The following NUP210L variants were observed in gnomAD, a reference collection of about 807,000 sequenced individuals.
The protein encoded by NUP210L is nucleoporin 210 like.
NUP210L carries 74 observed loss-of-function variants against 208.5 expected under a neutral mutation model. That is an observed-to-expected ratio of 0.35 (90% CI 0.29 to 0.43). NUP210L has a LOEUF of 0.43. NUP210L is among the 20% of genes least tolerant of loss of function. The pLI is 1.00. For missense variants in NUP210L, 1,843 were observed against 2,289.4 expected (o/e 0.81, Z 3.98); for synonymous variants, 780 against 816.9 (o/e 0.95, Z 0.77).
At chr1:154,008,147 C>A (rs145108951) in intron 35 of NUP210L, among the ~76,000 whole-genome samples, 1 of 151,966 alleles carries the variant, frequency 6.6e-6, no homozygotes, top group African/African-American at 2.4e-5. Flanking sequence ...GCTGGGATTA[C>A]GAGCGTGAGC....
intron 10 of NUP210L, among the ~76,000 whole-genome samples, chr1:154,125,913 G>A (rs1168569737): frequency 4.4e-3 from 626 of 141,418 alleles, no homozygotes; most frequent in African/African-American, 7.3e-3. Context: ...AACTACAGGC[G>A]CCCGCCACCG....
chr1:154,051,808 A>T (rs1653517995), intron 25 of NUP210L, among the ~76,000 whole-genome samples: 1 of 152,218 alleles, frequency 6.6e-6, no homozygotes, highest in East Asian at 1.9e-4. Flanking sequence ...TGCCTCTGTT[A>T]AACATCACCT....
chr1:154,060,853 ATAAG>A (rs72070929), intron 19 of NUP210L, 85 bp downstream of exon 19: 98,243 of 937,130 alleles, frequency 0.1, 5,534 homozygotes, highest in Middle Eastern at 0.16. Context: ...TTTTCAACAC[ATAAG>A]TAAGTTTTTT....
chr1:154,047,468 C>A (rs926745545), intron 25 of NUP210L, among the ~76,000 whole-genome samples: 1 of 152,196 alleles, frequency 6.6e-6, no homozygotes, highest in Non-Finnish European at 1.5e-5. Context: ...GATGCCCACG[C>A]TGAAGGTTGT....
chr1:154,127,596 A>G (rs1419401447), intron 8 of NUP210L, among the ~76,000 whole-genome samples, 179 bp from the exon 9 acceptor site: 1 of 127,520 alleles, frequency 7.8e-6, no homozygotes, highest in Non-Finnish European at 1.6e-5. Context: ...TTTGTCACCC[A>G]GGCTGGAGTG....
intron 38 of NUP210L, among the ~76,000 whole-genome samples, chr1:153,994,242 G>T (rs770042787): frequency 2.0e-5 from 3 of 152,118 alleles, no homozygotes; most frequent in African/African-American, 7.2e-5. Flanking sequence ...TATACCTCAA[G>T]ATTTAGTAGT....
At chr1:154,140,085 T>C in intron 4 of NUP210L, 133 bp from the exon 5 acceptor site, 1 of 704,856 alleles carries the variant, frequency 1.4e-6, no homozygotes, top group Non-Finnish European at 2.3e-6. Flanking sequence ...GCATGGTAGC[T>C]CACGCCTGTA....
At chr1:154,031,399 T>A (rs1452073185) in intron 27 of NUP210L, among the ~76,000 whole-genome samples, 1 of 152,126 alleles carries the variant, frequency 6.6e-6, no homozygotes, top group East Asian at 1.9e-4. Context: ...CTAGTTATTT[T>A]AAAATATACA....
chr1:154,064,553 G>A (rs953406447), intron 17 of NUP210L, among the ~76,000 whole-genome samples: 1 of 152,098 alleles, frequency 6.6e-6, no homozygotes, highest in African/African-American at 2.4e-5. Flanking sequence ...AGGTCTCCCT[G>A]AAGCTCTCAA....
chr1:154,149,379 C>A (rs928716330), intron 2 of NUP210L, among the ~76,000 whole-genome samples: 1 of 152,120 alleles, frequency 6.6e-6, no homozygotes, highest in Non-Finnish European at 1.5e-5. Flanking sequence ...AGCCACCGTG[C>A]CCAGCCTAGA....
At chr1:154,147,237 A>T (rs1175197677) in intron 2 of NUP210L, among the ~76,000 whole-genome samples, 1 of 152,168 alleles carries the variant, frequency 6.6e-6, no homozygotes, top group African/African-American at 2.4e-5. Context: ...ATGCAATGGG[A>T]AGGGCCCTTC....
At chr1:154,130,583 T>C (rs964167429) in intron 7 of NUP210L, among the ~76,000 whole-genome samples, 24 of 144,686 alleles carry the variant, frequency 1.7e-4, no homozygotes, top group African/African-American at 5.6e-4. Flanking sequence ...CCAATTTTTT[T>C]TTTTTTTTTT....
chr1:154,061,297 G>T (rs946935805), intron 18 of NUP210L, among the ~76,000 whole-genome samples: 2 of 152,100 alleles, frequency 1.3e-5, no homozygotes, highest in African/African-American at 4.8e-5. Context: ...AGAATCGCTT[G>T]AACCCGGGAG....
chr1:154,122,573 T>A (rs1023457127), intron 10 of NUP210L, among the ~76,000 whole-genome samples: 4 of 152,100 alleles, frequency 2.6e-5, no homozygotes, highest in Non-Finnish European at 5.9e-5. Flanking sequence ...GAGAATGGTG[T>A]GAACTCGGGA....
intron 28 of NUP210L, among the ~76,000 whole-genome samples, chr1:154,028,590 A>G (rs1652035141): frequency 6.6e-6 from 1 of 152,168 alleles, no homozygotes; most frequent in African/African-American, 2.4e-5. Context: ...CTGTCTCAAA[A>G]TAAATAAATA....
At chr1:154,022,739 G>A (rs2841101) in intron 31 of NUP210L, among the ~76,000 whole-genome samples, 3,232 of 146,022 alleles carry the variant, frequency 0.022, 119 homozygotes, top group African/African-American at 0.078. Flanking sequence ...GTGCAGTGGC[G>A]CAATCTCTGC....
chr1:154,072,426 G>A (rs538271060), intron 16 of NUP210L, among the ~76,000 whole-genome samples: 15 of 132,864 alleles, frequency 1.1e-4, no homozygotes, highest in South Asian at 2.6e-4. Context: ...TCCACCTCCC[G>A]GGTTCATGCC....
intron 14 of NUP210L, 70 bp downstream of exon 14, chr1:154,099,928 G>A: frequency 1.4e-6 from 2 of 1,464,272 alleles, no homozygotes; most frequent in East Asian, 2.3e-5. Flanking sequence ...CAGATAGCTA[G>A]TAAGCCCATA....
intron 17 of NUP210L, among the ~76,000 whole-genome samples, chr1:154,063,890 C>T (rs1019879762): frequency 2.0e-5 from 3 of 150,956 alleles, no homozygotes; most frequent in Admixed American, 1.3e-4. Context: ...TTTAGATTTC[C>T]GGGATGAGCA....
Sources: gnomAD v4.1 joint callset for allele counts (sites outside exome capture counted in the v4.1 genomes callset) on GRCh38, gnomAD v4.1.1 for gene constraint, MANE v1.5 for transcripts, NCBI Gene and HGNC (gene_info 2026-07-23, HGNC 2026-07-21) for gene names.